The following FGGY variants were observed in gnomAD, a reference collection of about 807,000 sequenced individuals.
FGGY encodes FGGY carbohydrate kinase domain-containing protein.
Under a neutral mutation model 71.3 loss-of-function variants are expected in FGGY, and 72 were observed. That is an observed-to-expected ratio of 1.01 (90% confidence interval 0.84 to 1.23). The LOEUF is 1.23. Ranked by LOEUF, FGGY falls within the 50% of genes most tolerant of loss-of-function variation. FGGY has a pLI of 0.00. For missense variants in FGGY, 668 were observed against 682.3 expected, an observed-to-expected ratio of 0.98 and a Z score of 0.23; for synonymous variants, 251 against 250.3, an observed-to-expected ratio of 1.00 and a Z score of -0.02.
intron 9 of FGGY, among the ~76,000 whole-genome samples, chr1:59,611,893 G>T (rs2096685602): frequency 6.6e-6 from 1 of 152,210 alleles, no homozygotes; most frequent in Non-Finnish European, 1.5e-5. Context: ...GGAAGAAAAG[G>T]TATCAGTGAT....
chr1:59,514,651 G>A (rs1008444452), intron 7 of FGGY, among the ~76,000 whole-genome samples: 2 of 152,106 alleles, frequency 1.3e-5, no homozygotes, highest in African/African-American at 2.4e-5. Context: ...ATTGAATCAT[G>A]GAGGCCGGTC....
At chr1:59,447,889 T>C (rs2071679089) in intron 5 of FGGY, among the ~76,000 whole-genome samples, 1 of 152,198 alleles carries the variant, frequency 6.6e-6, no homozygotes, top group Non-Finnish European at 1.5e-5. Flanking sequence ...TTAGTACTTT[T>C]CTTCCGTAGT....
intron 3 of FGGY, among the ~76,000 whole-genome samples, chr1:59,343,771 T>G (rs2153214773): frequency 6.6e-6 from 1 of 152,332 alleles, no homozygotes; most frequent in East Asian, 1.9e-4. Flanking sequence ...CAGTAATGAT[T>G]CTGTACAATT....
chr1:59,523,219 T>A (rs536376204), intron 7 of FGGY, among the ~76,000 whole-genome samples: 2 of 152,372 alleles, frequency 1.3e-5, no homozygotes, highest in South Asian at 4.1e-4. Context: ...AAGATTGCAC[T>A]TGCGTCACTG....
Position 59,337,048 on chromosome 1 carries a change from C to CATAT in FGGY, c.202-2893_202-2890dup, listed in dbSNP as rs35698016. 1.6e-3 allele frequency among the ~76,000 whole-genome samples: 225 copies of CATAT among 142,054 alleles called. 1 individual carries two copies. Among genetic ancestry groups the CATAT allele is most frequent in the Middle Eastern group, 7.3e-3 (2 of 274 alleles). 93.2% of individuals were successfully genotyped at this position (142,054 alleles called of 152,430 possible). On this transcript the variant is annotated intron_variant, in intron 2 of 15. Transcript: ENST00000303721. The stretch of plus-strand genomic sequence containing the variant: ...ATATATATATTTATATGTATATAGT[C>CATAT]ATATATATATATATATATATGAAAG...
chr1:59,703,078 G>A (rs1314731506), intron 14 of FGGY, among the ~76,000 whole-genome samples: 1 of 152,186 alleles, frequency 6.6e-6, no homozygotes, highest in Non-Finnish European at 1.5e-5. Flanking sequence ...TCTGCTCAGA[G>A]GGTTATTCGT....
At chr1:59,734,656 A>G (rs890121619) in intron 14 of FGGY, among the ~76,000 whole-genome samples, 1 of 152,188 alleles carries the variant, frequency 6.6e-6, no homozygotes, top group South Asian at 2.1e-4. Context: ...TCAACCTAAC[A>G]TGAGGTGATT....
intron 4 of FGGY, among the ~76,000 whole-genome samples, chr1:59,357,310 C>A (rs184460794): frequency 0.013 from 2,024 of 152,240 alleles, 17 homozygotes; most frequent in Middle Eastern, 0.037. Context: ...GGCCAGATAC[C>A]TTGTAACATT....
intron 8 of FGGY, among the ~76,000 whole-genome samples, chr1:59,595,279 C>A (rs1443072416): frequency 2.0e-5 from 3 of 151,408 alleles, no homozygotes; most frequent in Non-Finnish European, 4.4e-5. Context: ...AGTTGCCTTC[C>A]CTCCCTTTTC....
chr1:59,739,349 T>C (rs988000017), intron 14 of FGGY, among the ~76,000 whole-genome samples: 2 of 152,160 alleles, frequency 1.3e-5, no homozygotes, highest in Non-Finnish European at 1.5e-5. Context: ...CTAGCAAACA[T>C]TTCCTGCCCA....
chr1:59,667,796 G>A (rs2097338837), intron 13 of FGGY, among the ~76,000 whole-genome samples: 1 of 152,190 alleles, frequency 6.6e-6, no homozygotes, highest in African/African-American at 2.4e-5. Context: ...AGTCTATTGA[G>A]GAAGGGAGAC....
At chr1:59,714,937 T>C (rs1056987161) in intron 14 of FGGY, among the ~76,000 whole-genome samples, 6 of 152,250 alleles carry the variant, frequency 3.9e-5, no homozygotes, top group African/African-American at 1.4e-4. Context: ...AAGAGTTACA[T>C]GCATCATACT....
At chr1:59,319,437 G>GA (rs2045996961) in intron 1 of FGGY, among the ~76,000 whole-genome samples, 1 of 152,114 alleles carries the variant, frequency 6.6e-6, no homozygotes, top group Non-Finnish European at 1.5e-5. Context: ...GACATGGAAA[G>GA]AAAAATAAAA....
intron 1 of FGGY, among the ~76,000 whole-genome samples, chr1:59,319,309 T>C (rs140469343): frequency 1.7e-4 from 26 of 152,334 alleles, no homozygotes; most frequent in African/African-American, 4.8e-4. Context: ...AATTCATTGA[T>C]TCAGTTGTTC....
Position 59,434,786 on chromosome 1 carries a change from C to G in FGGY, c.555-22175C>G, listed in dbSNP as rs185665025. Among the ~76,000 whole-genome samples the G allele has an allele frequency of 8.4e-3, 1,283 of 152,154 alleles. 6 individuals are homozygous for G. The highest frequency in any genetic ancestry group is 0.014 in the Non-Finnish European group (941 of 67,996). On this transcript the variant is annotated intron_variant, in intron 5 of 15. Coordinates refer to ENST00000303721, the MANE Select transcript of FGGY (RefSeq NM_018291.5). ...TCATGACCTAATCACCTCCCAAAGC[C>G]CCCCCCACCTCCAAATACCATCACC...
chr1:59,558,890 G>C (rs1375909321), intron 8 of FGGY, among the ~76,000 whole-genome samples: 1 of 152,090 alleles, frequency 6.6e-6, no homozygotes, highest in African/African-American at 2.4e-5. Flanking sequence ...TCTTTGCTGG[G>C]AAAATAATTT....
At chr1:59,377,340 G>T (rs549372356) in intron 4 of FGGY, among the ~76,000 whole-genome samples, 187 of 152,316 alleles carry the variant, frequency 1.2e-3, no homozygotes, top group Non-Finnish European at 1.8e-3. Context: ...CATGGCTGGG[G>T]AGGCCTCAGG....
intron 6 of FGGY, among the ~76,000 whole-genome samples, chr1:59,498,465 A>G (rs1297278059): frequency 1.3e-5 from 2 of 152,200 alleles, no homozygotes; most frequent in Non-Finnish European, 2.9e-5. Context: ...AACATTGACC[A>G]GAAGTCAAGA....
chr1:59,496,567 CT>C (rs1231556574), intron 6 of FGGY, among the ~76,000 whole-genome samples: 1 of 152,056 alleles, frequency 6.6e-6, no homozygotes, highest in Non-Finnish European at 1.5e-5. Flanking sequence ...GAAAAACTAC[CT>C]GTAGAGTGCT....
Sources: gnomAD v4.1 joint callset for allele counts (sites outside exome capture counted in the v4.1 genomes callset) on GRCh38, gnomAD v4.1.1 for gene constraint, MANE v1.5 for transcripts, NCBI Gene and HGNC (gene_info 2026-07-23, HGNC 2026-07-21) for gene names.